Variants in AJAP1 observed in about 807,000 individuals in gnomAD.
AJAP1 encodes adherens junctions associated protein 1, also known as adherens junction-associated protein 1.
In AJAP1, 5 loss-of-function variants were observed where a neutral mutation model predicts 35.0. That is an observed-to-expected ratio of 0.14 (90% CI 0.07 to 0.30). The LOEUF is 0.30. Among genes scored for constraint, AJAP1 ranks in the 10% least tolerant of loss-of-function variants. The probability of loss-of-function intolerance (pLI) is 1.00; values close to 1 mark genes in which losing one functional copy is unlikely to be tolerated. For missense variants in AJAP1, 586 were observed against 571.0 expected (o/e 1.03, Z -0.27); for synonymous variants, 284 against 249.3 (o/e 1.14, Z -1.31).
rs765313378 is a variant in AJAP1, at chr1:4,707,974, GT to G, written c.30-3914del. Among the ~76,000 whole-genome samples the G allele has an allele frequency of 1.2e-4, 16 of 134,764 alleles. 1 individual carries two copies. Among genetic ancestry groups the G allele is most frequent in the South Asian group, 2.4e-4 (1 of 4,082 alleles). The allele number at this position is 134,764 out of a possible 152,430, so 88.4% of individuals were successfully genotyped here. Reference sequence around the variant, plus strand: ...GATGTGGGCGGTACGTTTTTTTTTTGTTTTTTTTTTTTGAGACGCAGTCTCA... The same window carrying G: ...GATGTGGGCGGTACGTTTTTTTTTTGTTTTTTTTTTTGAGACGCAGTCTCA... On this transcript the variant is annotated intron_variant, in intron 1 of 5. Transcript: ENST00000378191.
chr1:4,725,611 A>G (rs75749913), intron 2 of AJAP1, among the ~76,000 whole-genome samples: 18,632 of 152,164 alleles, frequency 0.12, 1,360 homozygotes, highest in Admixed American at 0.25. Context: ...TGCTCGGCCA[A>G]CGGAACCGGG....
In AJAP1 at chr1:4,783,469, G is replaced by GTATATATATATATATA. The variant is rs1290187096; in HGVS notation, c.*985_*986insATATATATATATATAT. 6.3e-5 allele frequency: 7 copies of GTATATATATATATATA among 111,486 alleles called. No homozygotes were observed. Among genetic ancestry groups the GTATATATATATATATA allele is most frequent in the African/African-American group, 1.1e-4 (3 of 28,414 alleles). The allele number at this position is 111,486 out of a possible 1,614,324, so 6.9% of individuals were successfully genotyped here. ...GAATGCCAAGGTTTTATATATGTGT[G>GTATATATATATATATA]TGTATATATATATATATATATATAT... On this transcript the variant is annotated 3_prime_UTR_variant, in exon 6 of 6. Coordinates refer to ENST00000378191, the MANE Select transcript of AJAP1 (RefSeq NM_018836.4).
intron 2 of AJAP1, among the ~76,000 whole-genome samples, chr1:4,760,351 A>T (rs796599464): frequency 6.6e-5 from 10 of 150,512 alleles, no homozygotes; most frequent in African/African-American, 2.4e-4. Context: ...GTGTGTGTGT[A>T]TGAGTGTGTG....
At chr1:4,700,752 A>C (rs913642126) in intron 1 of AJAP1, among the ~76,000 whole-genome samples, 19 of 152,180 alleles carry the variant, frequency 1.2e-4, no homozygotes, top group Non-Finnish European at 1.8e-4. Flanking sequence ...TAGGCTGCCC[A>C]GCAGCCGAGG....
intron 4 of AJAP1, among the ~76,000 whole-genome samples, chr1:4,774,135 C>T (rs567113334): frequency 3.3e-5 from 5 of 152,354 alleles, no homozygotes; most frequent in Non-Finnish European, 7.3e-5. Context: ...AATTCAAAAA[C>T]GAAAATGTGG....
intron 2 of AJAP1, among the ~76,000 whole-genome samples, chr1:4,725,177 G>C (rs1640622405): frequency 6.6e-6 from 1 of 152,194 alleles, no homozygotes; most frequent in Non-Finnish European, 1.5e-5. Context: ...AGGAACCTCT[G>C]ACCCCGGCAG....
At chr1:4,688,885 T>A (rs1639669100) in intron 1 of AJAP1, among the ~76,000 whole-genome samples, 1 of 152,032 alleles carries the variant, frequency 6.6e-6, no homozygotes, top group Non-Finnish European at 1.5e-5. Flanking sequence ...AGGAGGACGC[T>A]GAGCCCATTA....
At chr1:4,747,510 G>A (rs766404400) in intron 2 of AJAP1, among the ~76,000 whole-genome samples, 33 of 152,244 alleles carry the variant, frequency 2.2e-4, no homozygotes, top group Admixed American at 3.9e-4. Flanking sequence ...TGGCTGTGCC[G>A]CCCCCTTCCC....
intron 5 of AJAP1, 148 bp downstream of exon 5, chr1:4,774,706 C>T (rs1007647600): frequency 1.4e-5 from 8 of 556,398 alleles, no homozygotes; most frequent in Admixed American, 3.1e-5. Flanking sequence ...CATGAGCCGG[C>T]GGGGGGGGCT....
chr1:4,743,266 C>G (rs1422246627), intron 2 of AJAP1, among the ~76,000 whole-genome samples: 2 of 152,148 alleles, frequency 1.3e-5, no homozygotes, highest in Non-Finnish European at 2.9e-5. Context: ...GGAAATAGAA[C>G]AAGAGACAGA....
rs757807289 is a variant in AJAP1 at position 4,655,462 on chromosome 1, AC to A, written c.29+11del. On this transcript the variant is annotated intron_variant, in intron 1 of 5. Transcript: ENST00000378191. This position sits in a 1 kb window ranked among gnomAD's most constrained non-coding sequence, Gnocchi z 6.9. The stretch of plus-strand genomic sequence containing the variant: ...ACAGCTTTTAGGACTCAGGTGAGCG[AC>A]CCGGCCGGCGCCGGGTGCGTGTGGG... The A allele has an allele frequency of 6.4e-7, 1 of 1,566,920 alleles. No homozygotes were observed. Among genetic ancestry groups the A allele is most frequent in the Non-Finnish European group, 8.6e-7 (1 of 1,156,574 alleles).
chr1:4,772,570 T>G (rs772523750), intron 4 of AJAP1, 45 bp downstream of exon 4: 8 of 1,601,926 alleles, frequency 5.0e-6, no homozygotes, highest in Non-Finnish European at 6.8e-6. Context: ...AAGCTCTTGG[T>G]GCTCCTGACC....
At chr1:4,748,186 C>T (rs1337048991) in intron 2 of AJAP1, among the ~76,000 whole-genome samples, 2 of 152,120 alleles carry the variant, frequency 1.3e-5, no homozygotes, top group Non-Finnish European at 2.9e-5. Context: ...CCTCCCCGTC[C>T]ATCAGCTACT....
chr1:4,702,853 T>C (rs542185250), intron 1 of AJAP1, among the ~76,000 whole-genome samples: 3 of 152,318 alleles, frequency 2.0e-5, no homozygotes, highest in Admixed American at 6.5e-5. Flanking sequence ...CTAGACCTGC[T>C]GTCCTGGGGA....
At chr1:4,766,964 A>C (rs1391054412) in intron 2 of AJAP1, among the ~76,000 whole-genome samples, 1 of 152,172 alleles carries the variant, frequency 6.6e-6, no homozygotes, top group Non-Finnish European at 1.5e-5. Flanking sequence ...TGTAGAAAGC[A>C]TAGCTGTTGT....
At chr1:4,706,705 G>T (rs974956661) in intron 1 of AJAP1, among the ~76,000 whole-genome samples, 1 of 152,232 alleles carries the variant, frequency 6.6e-6, no homozygotes, top group Non-Finnish European at 1.5e-5. Context: ...CTCGGGGAAA[G>T]GTGCAACTTT....
intron 1 of AJAP1, among the ~76,000 whole-genome samples, chr1:4,707,869 A>G (rs1640133045): frequency 6.6e-6 from 1 of 150,936 alleles, no homozygotes; most frequent in African/African-American, 2.4e-5. Flanking sequence ...CCAACAGCAT[A>G]CTAGGTCTCT....
At chr1:4,746,196 A>G (rs911895443) in intron 2 of AJAP1, among the ~76,000 whole-genome samples, 1 of 152,036 alleles carries the variant, frequency 6.6e-6, no homozygotes, top group Non-Finnish European at 1.5e-5. Flanking sequence ...CGGTGGCTGC[A>G]TCTCCCCAGT....
chr1:4,731,736 A>G (rs1207688209), intron 2 of AJAP1, among the ~76,000 whole-genome samples: 1 of 152,198 alleles, frequency 6.6e-6, no homozygotes, highest in Non-Finnish European at 1.5e-5. Context: ...TGCCTGAGAC[A>G]AAGGCTAGAG....
Sources: allele counts gnomAD v4.1 joint callset (sites outside exome capture counted in the v4.1 genomes callset), GRCh38; gene constraint gnomAD v4.1.1; non-coding constraint Gnocchi (gnomAD v3.1); transcripts MANE v1.5; gene names NCBI Gene and HGNC (gene_info 2026-07-23, HGNC 2026-07-21).